Variants in RXFP2 observed in about 807,000 individuals in gnomAD.
The protein encoded by RXFP2 is relaxin family peptide receptor 2.
In RXFP2, 68 loss-of-function variants were observed where a neutral mutation model predicts 88.6. The observed-to-expected ratio is 0.77, with a 90% CI of 0.63 to 0.94. The LOEUF is 0.94. Among genes scored for constraint, RXFP2 ranks in the 40% least tolerant of loss-of-function variants. The pLI is 0.00. For synonymous variants in RXFP2, 329 were observed against 306.8 expected (o/e 1.07, Z -0.76); for missense variants, 791 against 893.9 (o/e 0.88, Z 1.47).
chr13:31,766,290 G>A (rs768350740), intron 5 of RXFP2, among the ~76,000 whole-genome samples: 7 of 151,856 alleles, frequency 4.6e-5, no homozygotes, highest in African/African-American at 7.3e-5. Context: ...AAAATACACA[G>A]TTCCATTATT....
rs1874408514 is a variant in RXFP2, at chr13:31,802,596, C to T, written c.*191C>T. 1.5e-6 allele frequency: 1 copy of T among 651,844 alleles called. No individual in the cohort carries two copies. Among genetic ancestry groups the T allele is most frequent in the Non-Finnish European group, 2.7e-6 (1 of 370,522 alleles). 40.4% of individuals were successfully genotyped at this position (651,844 alleles called of 1,614,324 possible). A position where few individuals can be genotyped will look rare whatever the true frequency, so the allele number is the denominator to read the frequency against. ...TCTACCAACCATGCTGAGGACAGCA[C>T]CAAAGGTTCCTCTCCTCACCCCACA... is the stretch of plus-strand genomic sequence containing the variant. On this transcript the variant is annotated 3_prime_UTR_variant, in exon 18 of 18. Transcript: ENST00000298386.
chr13:31,757,843 C>T (rs764496124), intron 1 of RXFP2, among the ~76,000 whole-genome samples: 4 of 152,152 alleles, frequency 2.6e-5, no homozygotes, highest in African/African-American at 7.2e-5. Context: ...CCTGTAATCC[C>T]GGCACTTTGG....
chr13:31,756,918 C>A (rs1253844574), intron 1 of RXFP2, among the ~76,000 whole-genome samples: 2 of 152,040 alleles, frequency 1.3e-5, no homozygotes, highest in East Asian at 1.9e-4. Flanking sequence ...TGCACCTGGA[C>A]AGGACTCTTT....
At chr13:31,755,956 G>A (rs760753222) in intron 1 of RXFP2, among the ~76,000 whole-genome samples, 6 of 152,098 alleles carry the variant, frequency 3.9e-5, no homozygotes, top group Non-Finnish European at 7.3e-5. Flanking sequence ...ACCAGCCTCC[G>A]AAGTGTGCAC....
intron 2 of RXFP2, among the ~76,000 whole-genome samples, chr13:31,759,269 A>G (rs1356123219): frequency 6.6e-6 from 1 of 151,490 alleles, no homozygotes; most frequent in Non-Finnish European, 1.5e-5. Flanking sequence ...TCTGAGTGAT[A>G]AATAAGGAAA....
At chr13:31,784,069 C>T (rs2138444334) in intron 11 of RXFP2, among the ~76,000 whole-genome samples, 1 of 150,672 alleles carries the variant, frequency 6.6e-6, no homozygotes, top group African/African-American at 2.4e-5. Flanking sequence ...TCAAGTGATC[C>T]ACCCGCCTCA....
At chr13:31,754,374 T>C (rs569577911) in intron 1 of RXFP2, among the ~76,000 whole-genome samples, 2 of 152,154 alleles carry the variant, frequency 1.3e-5, no homozygotes, top group African/African-American at 4.8e-5. Flanking sequence ...CTACTAAATA[T>C]ACAAAAAATA....
intron 4 of RXFP2, among the ~76,000 whole-genome samples, chr13:31,765,514 G>C (rs1872515515): frequency 6.6e-6 from 1 of 151,830 alleles, no homozygotes; most frequent in Non-Finnish European, 1.5e-5. Context: ...AGACTGCAAA[G>C]ATATAAAAGA....
chr13:31,759,908 T>C (rs1022695909), intron 2 of RXFP2, among the ~76,000 whole-genome samples: 9 of 152,066 alleles, frequency 5.9e-5, no homozygotes, highest in Middle Eastern at 3.2e-3. Flanking sequence ...CTTCTACTCA[T>C]TCTTTAGGGC....
At chr13:31,776,235 TTCCTTCCCTCTTTCC>T (rs1250438235) in intron 7 of RXFP2, among the ~76,000 whole-genome samples, 3 of 146,772 alleles carry the variant, frequency 2.0e-5, no homozygotes, top group Non-Finnish European at 3.0e-5. Flanking sequence ...CCTTCCTTTT[TTCCTTCCCTCTTTCC>T]TTCTTTTTTT....
chr13:31,785,927 G>C (rs1873516447), intron 11 of RXFP2, among the ~76,000 whole-genome samples: 1 of 152,102 alleles, frequency 6.6e-6, no homozygotes. Flanking sequence ...AGATTATCTG[G>C]GCAGATACTG....
At chr13:31,759,025 T>C (rs61946568) in intron 2 of RXFP2, among the ~76,000 whole-genome samples, 27,172 of 149,084 alleles carry the variant, frequency 0.18, 2,405 homozygotes, top group Middle Eastern at 0.24. Context: ...CCAGCCTGGG[T>C]AACAAGAGCA....
intron 1 of RXFP2, among the ~76,000 whole-genome samples, chr13:31,742,205 T>C (rs371978569): frequency 8.5e-5 from 13 of 152,308 alleles, no homozygotes; most frequent in African/African-American, 2.6e-4. Context: ...CAACTACCAA[T>C]TGCTACTTAA....
chr13:31,796,038 C>CTTTTTT lies in RXFP2; in HGVS notation c.1787-1139_1787-1134dup, dbSNP rs776535132. On this transcript the variant is annotated intron_variant, in intron 16 of 17. Transcript: ENST00000298386. Reference sequence around the variant, plus strand: ...ATACATTTTTGTTCTATGTGTTATTCTTTTTTTTTTTTTTTTTTTTTTTTT... The same window carrying CTTTTTT: ...ATACATTTTTGTTCTATGTGTTATTCTTTTTTTTTTTTTTTTTTTTTTTTTTTTTTT... Among the ~76,000 whole-genome samples, 93 of 36,994 alleles carry CTTTTTT rather than the reference C, an allele frequency of 2.5e-3. 14 individuals are homozygous for CTTTTTT. The highest frequency in any genetic ancestry group is 6.8e-3 in the African/African-American group (56 of 8,216). 24.3% of individuals were successfully genotyped at this position (36,994 alleles called of 152,430 possible).
intron 5 of RXFP2, among the ~76,000 whole-genome samples, chr13:31,768,274 G>T (rs1005737711): frequency 6.6e-6 from 1 of 152,174 alleles, no homozygotes; most frequent in African/African-American, 2.4e-5. Context: ...AATTTTCCCA[G>T]AGACTAATAG....
At chr13:31,745,240 T>C (rs1204061257) in intron 1 of RXFP2, among the ~76,000 whole-genome samples, 4 of 152,056 alleles carry the variant, frequency 2.6e-5, no homozygotes. Flanking sequence ...CTGGACATTT[T>C]CATAAAGTTG....
intron 1 of RXFP2, 23 bp from the exon 2 acceptor site, chr13:31,758,235 T>G: frequency 6.2e-7 from 1 of 1,613,856 alleles, no homozygotes; most frequent in Admixed American, 1.7e-5. Flanking sequence ...TAACACTTTG[T>G]TTTTGCCCCT....
chr13:31,802,947 C>G lies in RXFP2; in HGVS notation c.*542C>G, dbSNP rs2138477880. The G allele has an allele frequency of 6.3e-6, 1 of 157,692 alleles. No homozygotes were observed. Among genetic ancestry groups the G allele is most frequent in the East Asian group, 1.9e-4 (1 of 5,362 alleles). 9.8% of individuals were successfully genotyped at this position (157,692 alleles called of 1,614,324 possible). A position where few individuals can be genotyped will look rare whatever the true frequency, so the allele number is the denominator to read the frequency against. On this transcript the variant is annotated 3_prime_UTR_variant, in exon 18 of 18. Coordinates refer to ENST00000298386, the MANE Select transcript of RXFP2 (RefSeq NM_130806.5). ...GCCGGTGGAGTAGCCACTTTGAAAACAGAACTTCCAACCAGGTTACCATGT... is the reference window on the plus strand; with the variant it reads ...GCCGGTGGAGTAGCCACTTTGAAAAGAGAACTTCCAACCAGGTTACCATGT...
At chr13:31,765,341 A>C (rs1872504809) in intron 4 of RXFP2, among the ~76,000 whole-genome samples, 199 bp downstream of exon 4, 1 of 152,200 alleles carries the variant, frequency 6.6e-6, no homozygotes, top group Non-Finnish European at 1.5e-5. Context: ...GCCTGTCATC[A>C]GTTAGCTCAC....
Sources: gnomAD v4.1 joint callset for allele counts (sites outside exome capture counted in the v4.1 genomes callset) on GRCh38, gnomAD v4.1.1 for gene constraint, MANE v1.5 for transcripts, NCBI Gene and HGNC (gene_info 2026-07-23, HGNC 2026-07-21) for gene names.